TRPM3: variants seen among roughly 807,000 people sequenced by gnomAD.
TRPM3 encodes transient receptor potential cation channel subfamily M member 3, also known as long transient receptor potential channel 3.
Under a neutral mutation model 181.2 loss-of-function variants are expected in TRPM3, and 77 were observed. The ratio of observed to expected loss-of-function variants is 0.42; its 90% CI spans 0.35 to 0.51. The LOEUF is 0.51. Ranked by LOEUF, TRPM3 falls within the 20% of genes least tolerant of loss-of-function variation. The pLI, the probability that TRPM3 is intolerant of heterozygous loss-of-function variation, is 0.01. For missense variants in TRPM3, 1,759 were observed against 2,196.7 expected (o/e 0.80, Z 3.98); for synonymous variants, 745 against 796.4 (o/e 0.94, Z 1.09).
Position 70,620,067 on chromosome 9 carries a change from C to T in TRPM3, c.2129+9G>A, listed in dbSNP as rs373521209. The T allele has an allele frequency of 3.4e-5, 55 of 1,595,910 alleles. No homozygotes were observed. The highest frequency in any genetic ancestry group is 8.4e-5 in the Admixed American group (5 of 59,340). On this transcript the variant is annotated intron_variant, in intron 16 of 25. Coordinates refer to ENST00000677713, the MANE Select transcript of TRPM3 (RefSeq NM_001366145.2). Reference sequence around the variant, plus strand: ...CCCCTGACCAGCCCATTTTGCTGGGCGGACCCACCTGGAATTGTGATTCAG... The same window carrying T: ...CCCCTGACCAGCCCATTTTGCTGGGTGGACCCACCTGGAATTGTGATTCAG...
intron 8 of TRPM3, among the ~76,000 whole-genome samples, chr9:70,693,577 C>T (rs1241257033): frequency 6.6e-6 from 1 of 152,132 alleles, no homozygotes; most frequent in Admixed American, 6.5e-5. Flanking sequence ...ACTTCTGCAG[C>T]CTGAGCCCTT....
intron 9 of TRPM3, among the ~76,000 whole-genome samples, chr9:70,646,723 A>T (rs889874954): frequency 6.6e-6 from 1 of 152,100 alleles, no homozygotes; most frequent in South Asian, 2.1e-4. Context: ...ATAATAATAA[A>T]AAAAAAGCAG....
At chr9:70,746,799 G>T (rs1349409813) in intron 8 of TRPM3, among the ~76,000 whole-genome samples, 1 of 152,138 alleles carries the variant, frequency 6.6e-6, no homozygotes, top group Non-Finnish European at 1.5e-5. Flanking sequence ...GGATCCCAGG[G>T]CTCAATGCAG....
chr9:71,006,206 G>C (rs13298352), intron 1 of TRPM3, among the ~76,000 whole-genome samples: 1 of 152,010 alleles, frequency 6.6e-6, no homozygotes. Flanking sequence ...AAAATAAGTA[G>C]CATGAGATCA....
chr9:71,313,643 T>G (rs751377345), intron 1 of TRPM3, among the ~76,000 whole-genome samples: 3 of 152,130 alleles, frequency 2.0e-5, no homozygotes, highest in African/African-American at 4.8e-5. Flanking sequence ...TGAGATAACA[T>G]AGTCTTTAGG....
intron 1 of TRPM3, among the ~76,000 whole-genome samples, chr9:71,328,536 A>G (rs2089886735): frequency 6.6e-6 from 1 of 152,168 alleles, no homozygotes; most frequent in African/African-American, 2.4e-5. Context: ...ACCTACAAAA[A>G]TGTCTGTTTT....
rs1025979848 is a variant in TRPM3 at position 71,076,713 on chromosome 9, T to A, written c.177+44465A>T. On this transcript the variant is annotated intron_variant, in intron 1 of 25. Transcript: ENST00000677713. ...CAACCTCATACAAATCTATATAGGG[T>A]TCTCAATATCACAGCTCTTGAGCTT... 3.3e-5 allele frequency among the ~76,000 whole-genome samples: 5 copies of A among 152,094 alleles called. No homozygotes were observed. In the East Asian group the frequency reaches 9.7e-4, roughly 29 times the overall value.
chr9:70,811,144 TCA>T (rs2091951004), intron 6 of TRPM3: 3 of 1,571,880 alleles, frequency 1.9e-6, no homozygotes, highest in Non-Finnish European at 8.7e-7. Context: ...AAGAAGAAAT[TCA>T]CATTTTCCAT....
At chr9:70,657,713 T>G (rs1239437900) in intron 9 of TRPM3, among the ~76,000 whole-genome samples, 1 of 152,164 alleles carries the variant, frequency 6.6e-6, no homozygotes, top group Non-Finnish European at 1.5e-5. Flanking sequence ...GTTACAGGGC[T>G]TTTACTCCTG....
intron 6 of TRPM3, among the ~76,000 whole-genome samples, chr9:70,787,763 C>CTTTTTTTTTTTTTT: frequency 1.5e-4 from 10 of 68,558 alleles, no homozygotes; most frequent in East Asian, 1.2e-3. Context: ...TTTTTGGATT[C>CTTTTTTTTTTTTTT]TTTTTTTTTT....
At chr9:70,699,214 A>G (rs1475214276) in intron 8 of TRPM3, among the ~76,000 whole-genome samples, 4 of 152,218 alleles carry the variant, frequency 2.6e-5, no homozygotes, top group Admixed American at 2.0e-4. Context: ...TAAAAGTGAC[A>G]AGAAAATTTT....
chr9:70,861,067 C>T (rs577340138), intron 3 of TRPM3, among the ~76,000 whole-genome samples: 42 of 152,174 alleles, frequency 2.8e-4, no homozygotes, highest in African/African-American at 9.9e-4. Context: ...ACTACTAACA[C>T]TCCATTTTTA....
intron 10 of TRPM3, 40 bp from the exon 11 acceptor site, chr9:70,639,234 A>G: frequency 6.2e-7 from 1 of 1,607,662 alleles, no homozygotes; most frequent in Admixed American, 1.7e-5. Flanking sequence ...CCCAGGGTCT[A>G]TCTATGGATG....
At chr9:70,560,865 C>T (rs112524987) in intron 22 of TRPM3, among the ~76,000 whole-genome samples, 3 of 152,068 alleles carry the variant, frequency 2.0e-5, no homozygotes, top group Non-Finnish European at 2.9e-5. Flanking sequence ...GCACCTCCAC[C>T]CCAAAGATTA....
At chr9:71,024,275 A>G (rs903197968) in intron 1 of TRPM3, among the ~76,000 whole-genome samples, 5 of 152,218 alleles carry the variant, frequency 3.3e-5, no homozygotes, top group Non-Finnish European at 5.9e-5. Context: ...ACACCTAGGC[A>G]TACCCATTGG....
intron 6 of TRPM3, among the ~76,000 whole-genome samples, chr9:70,819,147 T>C (rs922803492): frequency 5.3e-5 from 8 of 152,206 alleles, no homozygotes; most frequent in Non-Finnish European, 1.0e-4. Flanking sequence ...ATGCTGTTGG[T>C]ATCTGGGCCA....
intron 1 of TRPM3, among the ~76,000 whole-genome samples, chr9:71,350,793 T>A (rs2091578876): frequency 6.6e-6 from 1 of 152,202 alleles, no homozygotes; most frequent in Non-Finnish European, 1.5e-5. Flanking sequence ...CATCCCAAAT[T>A]TAATAAGCTT....
chr9:70,998,992 T>G (rs1290682797), intron 1 of TRPM3, among the ~76,000 whole-genome samples: 1 of 152,154 alleles, frequency 6.6e-6, no homozygotes, highest in Non-Finnish European at 1.5e-5. Context: ...CCAAGCATGG[T>G]TCTAGCAAAC....
intron 7 of TRPM3, among the ~76,000 whole-genome samples, chr9:70,764,742 T>G (rs2078779512): frequency 6.6e-6 from 1 of 152,186 alleles, no homozygotes; most frequent in African/African-American, 2.4e-5. Context: ...ATTTGATCCA[T>G]TCAAAGCATA....
Sources: allele counts gnomAD v4.1 joint callset (sites outside exome capture counted in the v4.1 genomes callset), GRCh38; gene constraint gnomAD v4.1.1; transcripts MANE v1.5; gene names NCBI Gene and HGNC (gene_info 2026-07-23, HGNC 2026-07-21).